The following AGBL2 variants were observed in gnomAD, a reference collection of about 807,000 sequenced individuals.
The protein encoded by AGBL2 is cytosolic carboxypeptidase 2.
A neutral mutation model predicts 103.0 loss-of-function variants in AGBL2; 87 were observed. The observed-to-expected ratio is 0.84, with a 90% CI of 0.71 to 1.01. The LOEUF (loss-of-function observed/expected upper bound fraction) is 1.01, where lower values mean the gene tolerates loss of function less well. Among genes scored for constraint, AGBL2 ranks in the 50% least tolerant of loss-of-function variants. AGBL2 has a pLI of 0.00. For missense variants in AGBL2, 904 were observed against 1,023.5 expected (o/e 0.88, Z 1.59); for synonymous variants, 335 against 356.7 (o/e 0.94, Z 0.69).
chr11:47,708,817 A>G (rs2097528904), intron 4 of AGBL2, among the ~76,000 whole-genome samples: 1 of 151,672 alleles, frequency 6.6e-6, no homozygotes, highest in Non-Finnish European at 1.5e-5. Context: ...TGTCTCAAAA[A>G]AAAAAAAAAA....
intron 7 of AGBL2, among the ~76,000 whole-genome samples, chr11:47,702,055 AG>A (rs1232887863): frequency 6.6e-6 from 1 of 151,644 alleles, no homozygotes; most frequent in African/African-American, 2.4e-5. Context: ...GGAGGCTGAG[AG>A]GGGAGGATGG....
At chr11:47,713,464 G>A (rs1260049632) in intron 3 of AGBL2, among the ~76,000 whole-genome samples, 3 of 151,118 alleles carry the variant, frequency 2.0e-5, no homozygotes, top group Non-Finnish European at 1.5e-5. Flanking sequence ...GGCAGAGGTT[G>A]CAGTGAGCCG....
At chr11:47,676,355 T>C (rs2097374591) in intron 14 of AGBL2, among the ~76,000 whole-genome samples, 6 of 152,170 alleles carry the variant, frequency 3.9e-5, no homozygotes, top group Admixed American at 3.9e-4. Context: ...CCACAACCAC[T>C]GCTGCTACTC....
At chr11:47,714,797 C>T in intron 1 of AGBL2, 47 bp from the exon 2 acceptor site, 1 of 790,030 alleles carries the variant, frequency 1.3e-6, no homozygotes, top group East Asian at 2.5e-5. Context: ...AATACCTCCC[C>T]GGGCGCCCCC....
rs200667850 is a variant in AGBL2, at chr11:47,690,378, G to A, written c.1329C>T (p.Ser443=). The A allele has an allele frequency of 3.1e-6, 5 of 1,614,146 alleles. No individual in the cohort carries two copies. The highest frequency in any genetic ancestry group is 2.2e-5 in the East Asian group (1 of 44,890). The change falls in exon 10 of 19, where the codon TCC becomes TCT. Residue 443 remains serine, a synonymous_variant. Transcript: ENST00000525123. The part of the protein sequence containing the change: ...TVYLLTITNP[S]QTPQEAAAKK... Reference sequence around the variant, plus strand: ...TTGCAGCTGCCTCTTGAGGGGTCTGGGATGGGTTGGTGATGGTGAGCAAGT... The same window carrying A: ...TTGCAGCTGCCTCTTGAGGGGTCTGAGATGGGTTGGTGATGGTGAGCAAGT...
intron 12 of AGBL2, among the ~76,000 whole-genome samples, chr11:47,681,615 G>A (rs540617018): frequency 3.9e-5 from 6 of 152,194 alleles, no homozygotes; most frequent in South Asian, 2.1e-4. Context: ...CTACCGGCAC[G>A]TGCCACCACG....
Position 47,691,488 on chromosome 11 carries a change from G to A in AGBL2, c.848+615C>T, listed in dbSNP as rs543987075. On this transcript the variant is annotated intron_variant, in intron 9 of 18. Coordinates refer to ENST00000525123, the MANE Select transcript of AGBL2 (RefSeq NM_024783.4). Reference sequence around the variant, plus strand: ...TTTGGGAGGCCGAGACGGGCAGATCGCGAAATCAGGAGATCGAGACCATCC... The same window carrying A: ...TTTGGGAGGCCGAGACGGGCAGATCACGAAATCAGGAGATCGAGACCATCC... Among the ~76,000 whole-genome samples the A allele has an allele frequency of 5.3e-5, 8 of 149,912 alleles. No individual in the cohort carries two copies. The South Asian group carries it at 6.4e-4, about 12-fold the overall frequency.
intron 3 of AGBL2, chr11:47,710,949 G>A (rs965327519): frequency 2.4e-5 from 10 of 411,598 alleles, no homozygotes; most frequent in African/African-American, 1.5e-4. Flanking sequence ...TGGCCCAAAG[G>A]TTTGGCACTT....
intron 11 of AGBL2, 115 bp from the exon 12 acceptor site, chr11:47,682,210 G>A: frequency 9.3e-7 from 1 of 1,077,014 alleles, no homozygotes; most frequent in Non-Finnish European, 1.3e-6. Context: ...ATTTCCCAAA[G>A]CATGTTCCAC....
At chr11:47,702,001 A>C (rs2097501269) in intron 7 of AGBL2, among the ~76,000 whole-genome samples, 1 of 150,470 alleles carries the variant, frequency 6.6e-6, no homozygotes, top group African/African-American at 2.4e-5. Context: ...AAGAAAAAAA[A>C]TTAGCCAGGC....
At chr11:47,710,175 A>G in intron 4 of AGBL2, 1 of 604,638 alleles carries the variant, frequency 1.7e-6, no homozygotes, top group East Asian at 3.1e-5. Context: ...AGGCGTGATC[A>G]CCATGCCCGG....
chr11:47,700,536 G>A (rs1377809633), intron 7 of AGBL2, among the ~76,000 whole-genome samples: 3 of 152,036 alleles, frequency 2.0e-5, no homozygotes, highest in African/African-American at 4.8e-5. Flanking sequence ...CCGAGATCAC[G>A]CCACTGCGTG....
chr11:47,696,119 C>G (rs1397192597), intron 8 of AGBL2, among the ~76,000 whole-genome samples: 1 of 143,924 alleles, frequency 6.9e-6, no homozygotes, highest in African/African-American at 2.6e-5. Context: ...TCGCTTGAAC[C>G]TAGAAAGTGG....
rs187006081 is a variant in AGBL2, at chr11:47,707,226, G to A, written c.233-1309C>T. On this transcript the variant is annotated intron_variant, in intron 4 of 18. Coordinates refer to ENST00000525123, the MANE Select transcript of AGBL2 (RefSeq NM_024783.4). Reference sequence around the variant, plus strand: ...AACTTTTGGGCTGGTGTAAGCAAACGTATAAGATACATACCTGAAAAGGGA... The same window carrying A: ...AACTTTTGGGCTGGTGTAAGCAAACATATAAGATACATACCTGAAAAGGGA... 7.0e-4 allele frequency among the ~76,000 whole-genome samples: 106 copies of A among 152,080 alleles called. 1 individual carries two copies. The highest frequency in any genetic ancestry group is 2.3e-3 in the African/African-American group (94 of 41,486).
chr11:47,705,657 AG>A (rs371692928), intron 5 of AGBL2, 23 bp from the exon 6 acceptor site: 5 of 555,362 alleles, frequency 9.0e-6, no homozygotes, highest in Admixed American at 3.2e-5. Context: ...AAAAAAAAAA[AG>A]AAAAAGAAAA....
intron 8 of AGBL2, among the ~76,000 whole-genome samples, chr11:47,695,851 T>A (rs2097467545): frequency 6.6e-6 from 1 of 151,404 alleles, no homozygotes; most frequent in East Asian, 1.9e-4. Flanking sequence ...TATTATTTCA[T>A]CTTTAAATGT....
rs562108810 is a variant in AGBL2, at chr11:47,691,211, C to G, written c.849-353G>C. Among the ~76,000 whole-genome samples the G allele has an allele frequency of 3.6e-4, 55 of 151,924 alleles. 2 individuals are homozygous for G. In the South Asian group the frequency reaches 0.011, roughly 31 times the overall value. ...CCCACGAGGTGTAGGTTGCAGTGAG[C>G]TGAGATCGTGCCATTGCTCTCCAGC... On this transcript the variant is annotated intron_variant, in intron 9 of 18. Coordinates refer to ENST00000525123, the MANE Select transcript of AGBL2 (RefSeq NM_024783.4).
chr11:47,713,174 T>C (rs896711052), intron 3 of AGBL2, among the ~76,000 whole-genome samples: 1 of 151,594 alleles, frequency 6.6e-6, no homozygotes, highest in Non-Finnish European at 1.5e-5. Context: ...ACCCCGTCTC[T>C]ACTACAAATA....
At chr11:47,699,255 T>G (rs1038032602) in intron 8 of AGBL2, among the ~76,000 whole-genome samples, 191 bp downstream of exon 8, 22 of 152,184 alleles carry the variant, frequency 1.4e-4, no homozygotes, top group African/African-American at 5.3e-4. Flanking sequence ...ATAATGTACT[T>G]TGATTTTAGA....
Sources: allele counts gnomAD v4.1 joint callset (sites outside exome capture counted in the v4.1 genomes callset), GRCh38; gene constraint gnomAD v4.1.1; transcripts MANE v1.5; gene names NCBI Gene and HGNC (gene_info 2026-07-23, HGNC 2026-07-21).